SGIP1: variants seen among roughly 807,000 people sequenced by gnomAD.
SGIP1 encodes SH3-containing GRB2-like protein 3-interacting protein 1.
Under a neutral mutation model 107.5 loss-of-function variants are expected in SGIP1, and 38 were observed. The observed-to-expected ratio is 0.35, with a 90% CI of 0.27 to 0.46. The LOEUF is 0.46. Ranked by LOEUF, SGIP1 falls within the 20% of genes least tolerant of loss-of-function variation. SGIP1 has a pLI of 1.00. For missense variants in SGIP1, 929 were observed against 1,019.5 expected (o/e 0.91, Z 1.21); for synonymous variants, 365 against 366.1 (o/e 1.00, Z 0.03).
intron 18 of SGIP1, among the ~76,000 whole-genome samples, chr1:66,715,192 T>C (rs1456123223): frequency 3.3e-5 from 5 of 152,128 alleles, no homozygotes; most frequent in Admixed American, 6.5e-5. Flanking sequence ...ATTTGGATAA[T>C]GTTTGTAGAA....
At position 66,626,755 on chromosome 1, in the gene SGIP1, A is replaced by C. The variant is rs568821169; in HGVS notation, c.74+845A>C. 2.6e-5 allele frequency among the ~76,000 whole-genome samples: 4 copies of C among 152,182 alleles called. No individual in the cohort carries two copies. In the East Asian group the frequency reaches 5.8e-4, roughly 22 times the overall value. On this transcript the variant is annotated intron_variant, in intron 2 of 24. Coordinates refer to ENST00000371037, the MANE Select transcript of SGIP1 (RefSeq NM_032291.4). ...AACTATTCAGCTGCAGGTGGTTGTG[A>C]CCAGGTAGAAATGCAGAACTGATGT... is the stretch of plus-strand genomic sequence containing the variant.
At chr1:66,735,037 A>G (rs367954267) in intron 21 of SGIP1, among the ~76,000 whole-genome samples, 2 of 151,986 alleles carry the variant, frequency 1.3e-5, no homozygotes, top group African/African-American at 4.8e-5. Context: ...TTATGCAATC[A>G]ATCTCTTGAA....
At chr1:66,684,236 A>C in intron 15 of SGIP1, 1 of 1,550,070 alleles carries the variant, frequency 6.5e-7, no homozygotes, top group Non-Finnish European at 8.7e-7. Context: ...CTCTCCAGGC[A>C]CTTTTGTAAG....
Position 66,749,791 on chromosome 1 carries a change from A to C in SGIP1, c.*6696A>C, listed in dbSNP as rs941697600. 2.0e-5 allele frequency among the ~76,000 whole-genome samples: 3 copies of C among 152,044 alleles called. No individual in the cohort carries two copies. The highest frequency in any genetic ancestry group is 4.4e-5 in the Non-Finnish European group (3 of 67,982). ...AGTAAATGCTTGATGTTATTCATTC[A>C]CCATCACTCTAAGGTATTTTAAATC... On this transcript the variant is annotated 3_prime_UTR_variant, in exon 25 of 25. Transcript: ENST00000371037.
intron 1 of SGIP1, among the ~76,000 whole-genome samples, chr1:66,598,614 C>T (rs12061081): frequency 0.051 from 7,733 of 152,136 alleles, 606 homozygotes; most frequent in African/African-American, 0.17. Flanking sequence ...AACTTACAAT[C>T]GTGGCTGAAT....
intron 24 of SGIP1, among the ~76,000 whole-genome samples, chr1:66,742,460 CTTTTTTTTT>C (rs764080079): frequency 2.2e-4 from 10 of 45,110 alleles, no homozygotes; most frequent in East Asian, 7.6e-4. Context: ...AGCACCCTTT[CTTTTTTTTT>C]TTTTTTTTTT....
chr1:66,592,894 C>CTTTTTTTTTTTTTTTTT (rs1558004086), intron 1 of SGIP1, among the ~76,000 whole-genome samples: 1 of 94,136 alleles, frequency 1.1e-5, no homozygotes, highest in African/African-American at 4.2e-5. Context: ...CTTTCTTCTT[C>CTTTTTTTTTTTTTTTTT]TTCTTTTTTT....
chr1:66,622,757 T>C (rs541224380), intron 1 of SGIP1, among the ~76,000 whole-genome samples: 1 of 152,198 alleles, frequency 6.6e-6, no homozygotes, highest in Non-Finnish European at 1.5e-5. Context: ...AGTAAAATTA[T>C]TTCCCTTTAG....
chr1:66,553,905 G>A (rs1264439142), intron 1 of SGIP1, among the ~76,000 whole-genome samples: 1 of 152,008 alleles, frequency 6.6e-6, no homozygotes, highest in South Asian at 2.1e-4. Context: ...GCACTCTTGG[G>A]TTGGCATCCA....
intron 1 of SGIP1, among the ~76,000 whole-genome samples, chr1:66,578,550 AG>A: frequency 3.9e-5 from 6 of 152,278 alleles, no homozygotes; most frequent in Admixed American, 3.9e-4. Flanking sequence ...TTTTTTCTTA[AG>A]GGGGTATTGA....
intron 18 of SGIP1, among the ~76,000 whole-genome samples, chr1:66,713,902 G>A (rs560276218): frequency 4.6e-5 from 7 of 152,188 alleles, no homozygotes; most frequent in African/African-American, 1.4e-4. Flanking sequence ...CACATGCGCA[G>A]ATTATATGAT....
At chr1:66,642,321 T>A (rs1282204948) in intron 5 of SGIP1, among the ~76,000 whole-genome samples, 1 of 152,132 alleles carries the variant, frequency 6.6e-6, no homozygotes, top group Non-Finnish European at 1.5e-5. Context: ...TAGAAGGAGC[T>A]CCTACTCTGC....
intron 1 of SGIP1, among the ~76,000 whole-genome samples, chr1:66,574,922 T>C (rs1481731600): frequency 1.3e-5 from 2 of 152,250 alleles, no homozygotes; most frequent in African/African-American, 4.8e-5. Context: ...ACTATTATTT[T>C]CTTTTATGAA....
chr1:66,652,275 C>A (rs2078910613), intron 7 of SGIP1, among the ~76,000 whole-genome samples: 1 of 152,110 alleles, frequency 6.6e-6, no homozygotes, highest in African/African-American at 2.4e-5. Context: ...ATATCAATCA[C>A]CTTCTCAGCT....
intron 19 of SGIP1, among the ~76,000 whole-genome samples, chr1:66,728,269 C>T (rs961603661): frequency 6.6e-6 from 1 of 152,172 alleles, no homozygotes; most frequent in Non-Finnish European, 1.5e-5. Flanking sequence ...AATGTGATAA[C>T]ATTGTACAAT....
intron 1 of SGIP1, among the ~76,000 whole-genome samples, chr1:66,552,176 G>A (rs1279331524): frequency 6.6e-6 from 1 of 152,150 alleles, no homozygotes; most frequent in African/African-American, 2.4e-5. Flanking sequence ...CTGAGTTGGA[G>A]AGGTTCTTGT....
chr1:66,740,753 C>T, intron 23 of SGIP1, 31 bp downstream of exon 23: 1 of 1,476,730 alleles, frequency 6.8e-7, no homozygotes, highest in Non-Finnish European at 9.4e-7. Context: ...TTTTATTTAA[C>T]ATGTAAAGCT....
Position 66,595,703 on chromosome 1 carries a change from A to G in SGIP1, c.11-30144A>G, listed in dbSNP as rs140491401. ...TTAAGAGTGATTAATTAAACAAGCC[A>G]TAATATGGAATCCATATTATGGAAT... On this transcript the variant is annotated intron_variant, in intron 1 of 24. Transcript: ENST00000371037. Among the ~76,000 whole-genome samples, 733 of 152,354 alleles carry G rather than the reference A, an allele frequency of 4.8e-3. 7 individuals carry two copies. Among genetic ancestry groups the G allele is most frequent in the African/African-American group, 0.017 (702 of 41,578 alleles).
chr1:66,571,171 G>T (rs924814179), intron 1 of SGIP1, among the ~76,000 whole-genome samples: 2 of 151,988 alleles, frequency 1.3e-5, no homozygotes, highest in African/African-American at 4.8e-5. Context: ...AAAGGTAGAA[G>T]AAAATGTTAA....
Sources: allele counts gnomAD v4.1 joint callset (sites outside exome capture counted in the v4.1 genomes callset), GRCh38; gene constraint gnomAD v4.1.1; transcripts MANE v1.5; gene names NCBI Gene and HGNC (gene_info 2026-07-23, HGNC 2026-07-21).